The following SYTL5 variants were observed in gnomAD, a reference collection of about 807,000 sequenced individuals.
SYTL5 encodes the protein synaptotagmin-like protein 5.
A neutral mutation model predicts 55.9 loss-of-function variants in SYTL5; 34 were observed. That is an observed-to-expected ratio of 0.61 (90% CI 0.46 to 0.81). The LOEUF (loss-of-function observed/expected upper bound fraction) is 0.81, where lower values mean the gene tolerates loss of function less well. Ranked by LOEUF, SYTL5 falls within the 30% of genes least tolerant of loss-of-function variation. The pLI is 0.00. For synonymous variants in SYTL5, 221 were observed against 188.7 expected, an observed-to-expected ratio of 1.17 and a Z score of -1.40; for missense variants, 637 against 546.7, an observed-to-expected ratio of 1.17 and a Z score of -1.65.
chrX:37,974,071 G>A, the SYTL5 span, among the ~76,000 whole-genome samples: 1 of 111,421 alleles, frequency 9.0e-6, no homozygotes, highest in Admixed American at 9.6e-5. Flanking sequence ...GGGAGATGTT[G>A]GCCAAATGGT....
chrX:38,016,949 G>T (rs779565371), intron 1 of SYTL5, among the ~76,000 whole-genome samples: 1 of 112,229 alleles, frequency 8.9e-6, no homozygotes, highest in East Asian at 2.8e-4. Flanking sequence ...GCTTCAGGTG[G>T]TCTCCTGCAC....
the SYTL5 span, among the ~76,000 whole-genome samples, chrX:37,980,502 G>A: frequency 1.4e-4 from 16 of 112,473 alleles, no homozygotes; most frequent in East Asian, 1.1e-3. Context: ...TCCTAAAGGC[G>A]TATAGCAAGG....
chrX:37,905,939 C>T, the SYTL5 span, among the ~76,000 whole-genome samples: 1 of 113,301 alleles, frequency 8.8e-6, no homozygotes, highest in Non-Finnish European at 1.9e-5. Context: ...GGCACTAGGT[C>T]CTGGTACTTG....
chrX:38,093,209 T>C (rs1936843089), intron 7 of SYTL5, among the ~76,000 whole-genome samples: 2 of 112,150 alleles, frequency 1.8e-5, no homozygotes, highest in South Asian at 7.4e-4. Context: ...ACAGTCTAAA[T>C]TGAAGCTGAA....
At chrX:37,939,940 C>T in the SYTL5 span, among the ~76,000 whole-genome samples, 6 of 111,610 alleles carry the variant, frequency 5.4e-5, no homozygotes, top group Non-Finnish European at 1.1e-4. Flanking sequence ...AAGCGATTCT[C>T]CTGCCTCAGC....
At chrX:37,947,205 C>T in the SYTL5 span, among the ~76,000 whole-genome samples, 1 of 111,479 alleles carries the variant, frequency 9.0e-6, no homozygotes, top group East Asian at 2.8e-4. Context: ...TCAGTGATTG[C>T]TTTGTGAACA....
chrX:37,997,821 G>A, the SYTL5 span, among the ~76,000 whole-genome samples: 7 of 112,372 alleles, frequency 6.2e-5, no homozygotes, highest in African/African-American at 1.9e-4. Flanking sequence ...AGACTGGAGC[G>A]GGAATGTGTT....
At chrX:38,007,789 A>G (rs1335361588) in intron 1 of SYTL5, among the ~76,000 whole-genome samples, 41 of 111,591 alleles carry the variant, frequency 3.7e-4, no homozygotes, top group Non-Finnish European at 1.9e-4. Context: ...ATATATATGT[A>G]CATACCCACA....
intron 3 of SYTL5, among the ~76,000 whole-genome samples, chrX:38,057,588 G>C (rs1448739662): frequency 9.0e-5 from 10 of 111,178 alleles, no homozygotes; most frequent in Admixed American, 1.9e-4. Context: ...TCTGTATATT[G>C]CTTTAGATAA....
At chrX:38,120,308 C>A (rs6611108) in intron 13 of SYTL5, 50 bp from the exon 14 acceptor site, 7 of 915,203 alleles carry the variant, frequency 7.6e-6, no homozygotes, top group Non-Finnish European at 9.6e-6. Flanking sequence ...GACTACAATA[C>A]TAAGCCAATC....
At chrX:38,078,482 G>C (rs1407026479) in intron 6 of SYTL5, among the ~76,000 whole-genome samples, 1 of 109,962 alleles carries the variant, frequency 9.1e-6, no homozygotes, top group Non-Finnish European at 1.9e-5. Context: ...GGACAGTCTT[G>C]ATCTCCTGAC....
intron 1 of SYTL5, among the ~76,000 whole-genome samples, chrX:38,014,378 T>C (rs894100167): frequency 8.9e-6 from 1 of 112,625 alleles, no homozygotes; most frequent in African/African-American, 3.2e-5. Flanking sequence ...GACAAGTTAC[T>C]TAACCTCCCT....
At chrX:37,957,961 C>A in the SYTL5 span, among the ~76,000 whole-genome samples, 1 of 112,020 alleles carries the variant, frequency 8.9e-6, no homozygotes, top group Non-Finnish European at 1.9e-5. Flanking sequence ...GTAATCCCAG[C>A]ACTTTGGGAG....
chrX:38,029,779 T>C (rs1264148318), intron 1 of SYTL5, among the ~76,000 whole-genome samples: 1 of 112,297 alleles, frequency 8.9e-6, no homozygotes, highest in African/African-American at 3.2e-5. Flanking sequence ...GGCATTACAC[T>C]TTTTACTTTT....
chrX:38,076,019 A>G (rs1936381451), intron 5 of SYTL5, among the ~76,000 whole-genome samples: 1 of 111,989 alleles, frequency 8.9e-6, no homozygotes, highest in African/African-American at 3.2e-5. Context: ...AATAAATGTC[A>G]TGGAAGATAA....
At chrX:38,031,419 C>T (rs1006832935) in intron 1 of SYTL5, among the ~76,000 whole-genome samples, 1 of 111,470 alleles carries the variant, frequency 9.0e-6, no homozygotes, top group African/African-American at 3.3e-5. Context: ...GTGTTACTTC[C>T]CTCCCTTCAT....
chrX:38,117,183 A>T (rs1215871096), intron 13 of SYTL5, among the ~76,000 whole-genome samples: 1 of 112,071 alleles, frequency 8.9e-6, no homozygotes, highest in Non-Finnish European at 1.9e-5. Flanking sequence ...AAATATAAGT[A>T]TCAAAAATAC....
At chrX:38,043,477 C>A (rs945177783) in intron 2 of SYTL5, among the ~76,000 whole-genome samples, 2 of 104,204 alleles carry the variant, frequency 1.9e-5, no homozygotes, top group Non-Finnish European at 3.9e-5. Context: ...AAACCTCAAT[C>A]TGCTTAAACA....
At chrX:38,071,221 T>A (rs1385303804) in intron 3 of SYTL5, among the ~76,000 whole-genome samples, 1 of 111,511 alleles carries the variant, frequency 9.0e-6, no homozygotes, top group Non-Finnish European at 1.9e-5. Flanking sequence ...CTATAAGTAA[T>A]GGGAGAAGTA....
Sources: allele counts gnomAD v4.1 joint callset (sites outside exome capture counted in the v4.1 genomes callset), GRCh38; gene constraint gnomAD v4.1.1; transcripts MANE v1.5; gene names NCBI Gene and HGNC (gene_info 2026-07-23, HGNC 2026-07-21).